The following CLDN14 variants were observed in gnomAD, a reference collection of about 807,000 sequenced individuals.
CLDN14 encodes the protein claudin 14, also known as claudin-14.
A neutral mutation model predicts 2.1 loss-of-function variants in CLDN14; 2 were observed. The ratio of observed to expected loss-of-function variants is 0.96; its 90% confidence interval spans 0.39 to 3.01. The LOEUF (loss-of-function observed/expected upper bound fraction) is 3.01, where lower values mean the gene tolerates loss of function less well. Among genes scored for constraint, CLDN14 ranks in the 30% most tolerant of loss-of-function variants. The probability of loss-of-function intolerance (pLI) is 0.09; values close to 1 mark genes in which losing one functional copy is unlikely to be tolerated. For synonymous variants in CLDN14, 136 were observed against 154.4 expected (o/e 0.88, Z 0.88); for missense variants, 298 against 328.0 (o/e 0.91, Z 0.71).
At chr21:36,517,278 C>T (rs2087235867) in intron 1 of CLDN14, among the ~76,000 whole-genome samples, 1 of 152,252 alleles carries the variant, frequency 6.6e-6, no homozygotes, top group African/African-American at 2.4e-5. Flanking sequence ...TGTACTCTCT[C>T]TAGCTGTTTT....
intron 1 of CLDN14, among the ~76,000 whole-genome samples, chr21:36,527,109 G>A (rs188996670): frequency 1.1e-4 from 16 of 152,336 alleles, no homozygotes; most frequent in Middle Eastern, 3.4e-3. Context: ...TAGGTAACAC[G>A]TGAGGGGTCC....
chr21:36,519,587 G>A (rs997643849), intron 1 of CLDN14, among the ~76,000 whole-genome samples: 2 of 152,164 alleles, frequency 1.3e-5, no homozygotes, highest in Non-Finnish European at 2.9e-5. Context: ...GCACATGCCT[G>A]TAGTCCCAGC....
At chr21:36,489,564 TA>T (rs1291573281) in intron 2 of CLDN14, among the ~76,000 whole-genome samples, 3 of 152,052 alleles carry the variant, frequency 2.0e-5, no homozygotes, top group African/African-American at 7.3e-5. Flanking sequence ...GGCAGCTGAG[TA>T]GCTGATGGCA....
intron 2 of CLDN14, among the ~76,000 whole-genome samples, chr21:36,493,872 C>T (rs990565395): frequency 3.9e-5 from 6 of 152,110 alleles, no homozygotes; most frequent in Non-Finnish European, 8.8e-5. Flanking sequence ...GTGGAGGGGA[C>T]CCAGGATCCT....
intron 2 of CLDN14, among the ~76,000 whole-genome samples, chr21:36,489,200 G>A (rs1209443934): frequency 8.2e-6 from 1 of 122,218 alleles, no homozygotes; most frequent in African/African-American, 3.6e-5. Flanking sequence ...GCGGGAGAGA[G>A]AGAGAGAAAG....
intron 1 of CLDN14, among the ~76,000 whole-genome samples, chr21:36,469,692 C>T (rs2086686757): frequency 6.6e-6 from 1 of 152,154 alleles, no homozygotes. Flanking sequence ...ATTTTCAACT[C>T]AGTAAGATTG....
At chr21:36,512,685 G>A (rs781694061) in intron 1 of CLDN14, among the ~76,000 whole-genome samples, 45 of 152,152 alleles carry the variant, frequency 3.0e-4, no homozygotes, top group Admixed American at 1.3e-3. Context: ...GGACATATAT[G>A]TGTATGCATG....
intron 1 of CLDN14, chr21:36,526,583 T>G (rs1191038227): frequency 6.6e-6 from 1 of 152,222 alleles, no homozygotes. Context: ...CAGTAGAACC[T>G]GCTGGGATGT....
intron 1 of CLDN14, among the ~76,000 whole-genome samples, chr21:36,511,748 T>A (rs2087188813): frequency 6.6e-6 from 1 of 152,148 alleles, no homozygotes; most frequent in African/African-American, 2.4e-5. Context: ...TAAGATGATA[T>A]TCACTGATGT....
At chr21:36,518,963 C>T (rs1385597363) in intron 1 of CLDN14, among the ~76,000 whole-genome samples, 1 of 152,168 alleles carries the variant, frequency 6.6e-6, no homozygotes, top group African/African-American at 2.4e-5. Context: ...CTATTTCTCT[C>T]CCAGTTATTA....
chr21:36,516,984 C>T (rs1225744897), intron 1 of CLDN14, among the ~76,000 whole-genome samples: 1 of 152,122 alleles, frequency 6.6e-6, no homozygotes, highest in East Asian at 1.9e-4. Flanking sequence ...GAATTACAGG[C>T]GTGCCCCACC....
At chr21:36,523,592 CA>C (rs1434085598) in intron 1 of CLDN14, among the ~76,000 whole-genome samples, 2 of 151,056 alleles carry the variant, frequency 1.3e-5, no homozygotes, top group Admixed American at 6.6e-5. Flanking sequence ...ACTAAAAATA[CA>C]AAAAATTAGC....
chr21:36,520,546 G>A (rs1005878986), intron 1 of CLDN14, among the ~76,000 whole-genome samples: 1 of 152,206 alleles, frequency 6.6e-6, no homozygotes, highest in African/African-American at 2.4e-5. Context: ...TGCCACCATG[G>A]AAGATGTGCC....
At chr21:36,461,825 A>G (rs1434086146) in intron 1 of CLDN14, 49 bp from the exon 2 acceptor site, 1 of 1,264,898 alleles carries the variant, frequency 7.9e-7, no homozygotes, top group Non-Finnish European at 1.1e-6. Flanking sequence ...GAAATGGGTT[A>G]AAGATTATCT....
intron 1 of CLDN14, among the ~76,000 whole-genome samples, chr21:36,463,217 G>A (rs1398296545): frequency 2.0e-5 from 3 of 152,360 alleles, no homozygotes; most frequent in South Asian, 4.1e-4. Flanking sequence ...CTGGGGCTCA[G>A]CTTCTTTTTT....
At chr21:36,495,234 C>T (rs2146467874) in intron 2 of CLDN14, among the ~76,000 whole-genome samples, 1 of 152,302 alleles carries the variant, frequency 6.6e-6, no homozygotes, top group African/African-American at 2.4e-5. Flanking sequence ...GAGGCTGAGG[C>T]AGGAGAATTG....
At chr21:36,553,875 C>G (rs556744971) in intron 1 of CLDN14, among the ~76,000 whole-genome samples, 3 of 152,120 alleles carry the variant, frequency 2.0e-5, no homozygotes, top group Non-Finnish European at 4.4e-5. Flanking sequence ...GGATGCTAAT[C>G]GCCATGTTGA....
At chr21:36,529,051 G>A (rs963366181) in intron 1 of CLDN14, among the ~76,000 whole-genome samples, 2 of 152,192 alleles carry the variant, frequency 1.3e-5, no homozygotes, top group Admixed American at 6.5e-5. Context: ...GGCTGTTTTG[G>A]CTAGAAAGAA....
chr21:36,562,526 A>G (rs2087643143), intron 1 of CLDN14, among the ~76,000 whole-genome samples: 1 of 152,214 alleles, frequency 6.6e-6, no homozygotes, highest in Admixed American at 6.5e-5. Context: ...TTTCTTCTCT[A>G]AGGAAAAGCC....
Sources: allele counts gnomAD v4.1 joint callset (sites outside exome capture counted in the v4.1 genomes callset), GRCh38; gene constraint gnomAD v4.1.1; transcripts MANE v1.5; gene names NCBI Gene and HGNC (gene_info 2026-07-23, HGNC 2026-07-21).